Variants in SVEP1 observed in about 807,000 individuals in gnomAD.
The protein encoded by SVEP1 is sushi, von Willebrand factor type A, EGF and pentraxin domain-containing protein 1.
A neutral mutation model predicts 367.3 loss-of-function variants in SVEP1; 164 were observed. The observed-to-expected ratio is 0.45, with a 90% CI of 0.39 to 0.51. The LOEUF (loss-of-function observed/expected upper bound fraction) is 0.51, where lower values mean the gene tolerates loss of function less well. Among genes scored for constraint, SVEP1 ranks in the 20% least tolerant of loss-of-function variants. The probability of loss-of-function intolerance (pLI) is 0.00; values close to 1 mark genes in which losing one functional copy is unlikely to be tolerated. For synonymous variants in SVEP1, 1,666 were observed against 1,611.6 expected (o/e 1.03, Z -0.81); for missense variants, 4,117 against 4,425.3 (o/e 0.93, Z 1.98).
chr9:110,463,205 T>A (rs971180156), intron 18 of SVEP1, among the ~76,000 whole-genome samples: 1 of 75,518 alleles, frequency 1.3e-5, no homozygotes, highest in African/African-American at 5.1e-5. Flanking sequence ...CTATAGATCA[T>A]ATATTAACAA....
intron 15 of SVEP1, among the ~76,000 whole-genome samples, chr9:110,471,878 A>T (rs530792003): frequency 6.6e-6 from 1 of 152,258 alleles, no homozygotes; most frequent in Admixed American, 6.5e-5. Flanking sequence ...GGAGTTCTTT[A>T]TTATAACATA....
At chr9:110,511,836 C>A (rs1172356826) in intron 5 of SVEP1, among the ~76,000 whole-genome samples, 1 of 151,910 alleles carries the variant, frequency 6.6e-6, no homozygotes, top group Non-Finnish European at 1.5e-5. Flanking sequence ...GATATGGATG[C>A]CAAGAAAAGA....
chr9:110,484,548 C>T (rs374963560), intron 9 of SVEP1, among the ~76,000 whole-genome samples: 9 of 151,966 alleles, frequency 5.9e-5, no homozygotes, highest in East Asian at 3.9e-4. Flanking sequence ...GATTTTATGA[C>T]GAAAACATCA....
chr9:110,510,087 G>C (rs1482207189), intron 5 of SVEP1, among the ~76,000 whole-genome samples: 3 of 152,180 alleles, frequency 2.0e-5, no homozygotes, highest in East Asian at 3.9e-4. Context: ...GGGGGTTCCA[G>C]CTTGCCCTTG....
chr9:110,411,798 C>A, intron 36 of SVEP1, 63 bp from the exon 37 acceptor site: 1 of 1,384,872 alleles, frequency 7.2e-7, no homozygotes, highest in Non-Finnish European at 9.5e-7. Context: ...GTGTTTGTGT[C>A]TTCTTCTATT....
At position 110,423,120 on chromosome 9, in the gene SVEP1, T is replaced by G. The variant is rs1395749318; in HGVS notation, c.5975+4471A>C. On this transcript the variant is annotated intron_variant, in intron 36 of 47. Coordinates refer to ENST00000374469, the MANE Select transcript of SVEP1 (RefSeq NM_153366.4). Reference sequence around the variant, plus strand: ...GTGTACCCTAAAACTTAGAGTATAATAAAAAATAATAATAATAAAAAAAAA... The same window carrying G: ...GTGTACCCTAAAACTTAGAGTATAAGAAAAAATAATAATAATAAAAAAAAA... Among the ~76,000 whole-genome samples, 3 of 57,612 alleles carry G rather than the reference T, an allele frequency of 5.2e-5. No individual in the cohort carries two copies. The Admixed American group carries it at 5.9e-4, about 11-fold the overall frequency. The allele number at this position is 57,612 out of a possible 152,430, so 37.8% of individuals were successfully genotyped here.
In SVEP1 at chr9:110,407,614, T is replaced by G; in HGVS notation, c.7986A>C (p.Glu2662Asp). The G allele has an allele frequency of 6.2e-7, 1 of 1,614,000 alleles. No homozygotes were observed. The highest frequency in any genetic ancestry group is 1.1e-5 in the South Asian group (1 of 91,078). ...YHLGAVAKTW[E>D]NTKESPATHS... ...GTGTAGCAGGAGACTCCTTTGTATT[T>G]TCCCAGGTTTTAGCCACTGCTCCCA... Residue 2662 changes from glutamate to aspartate, a missense_variant, in exon 38 of 48, where the codon GAA becomes GAC. Glu to Asp is a conservative substitution (Grantham distance 45, BLOSUM62 2). Around this residue, in one of 4 missense-constraint regions of SVEP1, gnomAD observed 1,765 missense variants for 1,781.1 expected, o/e 0.99. Coordinates refer to ENST00000374469, the MANE Select transcript of SVEP1 (RefSeq NM_153366.4).
chr9:110,556,228 C>T (rs1390182948), intron 1 of SVEP1, among the ~76,000 whole-genome samples: 1 of 152,070 alleles, frequency 6.6e-6, no homozygotes, highest in Non-Finnish European at 1.5e-5. Flanking sequence ...ATTGTTCTAA[C>T]ACCCGAGATC....
Position 110,407,628 on chromosome 9 carries a change from C to T in SVEP1, c.7972G>A (p.Ala2658Thr). ...TCCTTTGTATTTTCCCAGGTTTTAG[C>T]CACTGCTCCCAAATGATAAGGAGGG... is the stretch of plus-strand genomic sequence containing the variant. ...PHPPYHLGAV[A>T]KTWENTKESP... Residue 2658 changes from alanine to threonine, a missense_variant, in exon 38 of 48, where the codon GCT becomes ACT. Transcript: ENST00000374469. The T allele has an allele frequency of 1.9e-6, 3 of 1,613,962 alleles. No homozygotes were observed. The highest frequency in any genetic ancestry group is 2.5e-6 in the Non-Finnish European group (3 of 1,179,856).
At chr9:110,403,145 C>T (rs117552906) in intron 39 of SVEP1, among the ~76,000 whole-genome samples, 2,615 of 152,068 alleles carry the variant, frequency 0.017, 40 homozygotes, top group Middle Eastern at 0.065. Flanking sequence ...CATTCCTCTG[C>T]TTTTAATCCC....
In SVEP1 at chr9:110,434,856, AC is replaced by A. The variant is rs1828409946; in HGVS notation, c.4889-351del. Among the ~76,000 whole-genome samples, 7 of 151,986 alleles carry A rather than the reference AC, an allele frequency of 4.6e-5. No homozygotes were observed. In the South Asian group the frequency reaches 1.5e-3, roughly 32 times the overall value. On this transcript the variant is annotated intron_variant, in intron 29 of 47. Coordinates refer to ENST00000374469, the MANE Select transcript of SVEP1 (RefSeq NM_153366.4). ...ATTCAGTTTTAGTGTGCAGATTGCA[AC>A]ATCCATCGCTTTTCTCCCTGTGCTA...
At chr9:110,489,024 CT>C (rs1478052245) in intron 9 of SVEP1, among the ~76,000 whole-genome samples, 2 of 152,108 alleles carry the variant, frequency 1.3e-5, no homozygotes, top group African/African-American at 4.8e-5. Context: ...ATTTGGGTGA[CT>C]CCGAATAAAT....
intron 17 of SVEP1, among the ~76,000 whole-genome samples, 161 bp from the exon 18 acceptor site, chr9:110,466,187 G>A (rs752697217): frequency 1.3e-5 from 2 of 152,142 alleles, no homozygotes; most frequent in African/African-American, 4.8e-5. Context: ...CGCATATTGT[G>A]GCACCACCAT....
intron 43 of SVEP1, among the ~76,000 whole-genome samples, chr9:110,381,886 A>G (rs1442012502): frequency 6.6e-6 from 1 of 152,164 alleles, no homozygotes; most frequent in African/African-American, 2.4e-5. Flanking sequence ...CTGGGTGCCT[A>G]TATATTTAGG....
At chr9:110,430,710 G>A (rs902383675) in intron 32 of SVEP1, among the ~76,000 whole-genome samples, 2 of 152,202 alleles carry the variant, frequency 1.3e-5, no homozygotes, top group African/African-American at 4.8e-5. Flanking sequence ...AAAGGTAGGC[G>A]CTCATTGGGA....
intron 3 of SVEP1, among the ~76,000 whole-genome samples, chr9:110,524,709 T>C (rs1466281877): frequency 4.8e-5 from 7 of 146,846 alleles, no homozygotes; most frequent in Non-Finnish European, 1.1e-4. Context: ...ATGTTATTAT[T>C]ATTATTACTT....
intron 3 of SVEP1, among the ~76,000 whole-genome samples, chr9:110,521,789 T>G (rs572607027): frequency 6.6e-6 from 1 of 152,316 alleles, no homozygotes; most frequent in East Asian, 1.9e-4. Context: ...TGGAGATTTT[T>G]TAGAATTATC....
chr9:110,504,549 C>G (rs2118758135), intron 5 of SVEP1, among the ~76,000 whole-genome samples: 1 of 152,304 alleles, frequency 6.6e-6, no homozygotes, highest in South Asian at 2.1e-4. Flanking sequence ...GGAAGTCTGG[C>G]TCTCTGATGA....
At position 110,394,696 on chromosome 9, in the gene SVEP1, G is replaced by A. The variant is rs182240809; in HGVS notation, c.9823-5109C>T. Among the ~76,000 whole-genome samples, 386 of 152,326 alleles carry A rather than the reference G, an allele frequency of 2.5e-3. 3 individuals carry two copies. Among genetic ancestry groups the A allele is most frequent in the African/African-American group, 8.7e-3 (363 of 41,578 alleles). On this transcript the variant is annotated intron_variant, in intron 40 of 47. Coordinates refer to ENST00000374469, the MANE Select transcript of SVEP1 (RefSeq NM_153366.4). ...CTGAAAACCAAGGCACGAGAACTAC[G>A]TGACCAGTGCAGAAGCCTCAATAGC... is the stretch of plus-strand genomic sequence containing the variant.
Sources: gnomAD v4.1 joint callset for allele counts (sites outside exome capture counted in the v4.1 genomes callset) on GRCh38, gnomAD v4.1.1 for gene constraint, gnomAD v4.1.1 regional missense constraint, MANE v1.5 for transcripts, NCBI Gene and HGNC (gene_info 2026-07-23, HGNC 2026-07-21) for gene names.